The following UBA2 variants were observed in gnomAD, a reference collection of about 807,000 sequenced individuals.
UBA2 encodes SUMO-activating enzyme subunit 2.
A neutral mutation model predicts 77.2 loss-of-function variants in UBA2; 11 were observed. That is an observed-to-expected ratio of 0.14 (90% CI 0.09 to 0.24). UBA2 has a LOEUF of 0.24. UBA2 is among the 10% of genes least tolerant of loss of function. UBA2 has a pLI of 1.00. For missense variants in UBA2, 487 were observed against 781.7 expected (o/e 0.62, Z 4.50); for synonymous variants, 278 against 276.7 (o/e 1.00, Z -0.05).
chr19:34,444,033 GTTTTTTTTTTGTTTTTTTT>G (rs2075399148), intron 7 of UBA2, 122 bp downstream of exon 7: 3 of 203,064 alleles, frequency 1.5e-5, no homozygotes, highest in Non-Finnish European at 2.6e-5. Flanking sequence ...TTTAACATGT[GTTTTTTTTTTGTTTTTTTT>G]TTTTTTTTTT....
chr19:34,429,376 G>A (rs1017142149), intron 1 of UBA2, among the ~76,000 whole-genome samples: 4 of 152,190 alleles, frequency 2.6e-5, no homozygotes, highest in African/African-American at 9.7e-5. Context: ...AGTTTAAAGT[G>A]TCTTAAGGGC....
chr19:34,451,652 A>G (rs1568377818), intron 9 of UBA2, among the ~76,000 whole-genome samples: 1 of 136,978 alleles, frequency 7.3e-6, no homozygotes, highest in East Asian at 2.2e-4. Context: ...GGTTCGCGCC[A>G]TTCTCCTGCC....
chr19:34,440,140 A>G (rs1000234210), intron 6 of UBA2, among the ~76,000 whole-genome samples: 2 of 152,054 alleles, frequency 1.3e-5, no homozygotes, highest in African/African-American at 4.8e-5. Context: ...CCTGGCCAAC[A>G]TGGCGAAACC....
At chr19:34,438,493 A>G (rs1241585202) in intron 5 of UBA2, 152 bp from the exon 6 acceptor site, 4 of 957,164 alleles carry the variant, frequency 4.2e-6, no homozygotes, top group Non-Finnish European at 1.5e-6. Context: ...AGTTTATCAT[A>G]AAGTAAGCAT....
At chr19:34,444,617 G>A (rs1056236731) in intron 7 of UBA2, among the ~76,000 whole-genome samples, 3 of 152,126 alleles carry the variant, frequency 2.0e-5, no homozygotes, top group African/African-American at 7.2e-5. Flanking sequence ...GACCAGCCTG[G>A]CCAACATGGC....
chr19:34,438,539 A>G lies in UBA2; in HGVS notation c.460-106A>G, dbSNP rs556570104. On this transcript the variant is annotated intron_variant, in intron 5 of 16. Transcript: ENST00000246548. The stretch of plus-strand genomic sequence containing the variant: ...CTAATATTTTAAAATTTCCTTGACA[A>G]CGTAAAACGTAGTTGGAATATAGAT... The G allele has an allele frequency of 1.1e-3, 1,503 of 1,379,552 alleles. 1 individual carries two copies. The highest frequency in any genetic ancestry group is 1.4e-3 in the Non-Finnish European group (1,415 of 1,011,704). The allele number at this position is 1,379,552 out of a possible 1,614,324, so 85.5% of individuals were successfully genotyped here.
intron 9 of UBA2, 71 bp downstream of exon 9, chr19:34,450,435 T>C: frequency 2.9e-6 from 3 of 1,028,918 alleles, no homozygotes; most frequent in Non-Finnish European, 4.2e-6. Flanking sequence ...TGTATAGCCC[T>C]GTTGTTGCTT....
At chr19:34,428,772 G>A in intron 1 of UBA2, 1 of 1,134,360 alleles carries the variant, frequency 8.8e-7, no homozygotes, top group Non-Finnish European at 1.1e-6. Flanking sequence ...GCCTCCGCTC[G>A]CTGGGCCGGC....
At chr19:34,462,397 G>A (rs2075641151) in intron 14 of UBA2, among the ~76,000 whole-genome samples, 1 of 152,156 alleles carries the variant, frequency 6.6e-6, no homozygotes. Context: ...ACATTAACTG[G>A]TTTTCCTTTT....
intron 1 of UBA2, chr19:34,429,340 G>A (rs887377740): frequency 1.3e-6 from 1 of 777,216 alleles, no homozygotes; most frequent in African/African-American, 1.9e-5. Context: ...TTTAGAGATT[G>A]GAGATGTTAC....
intron 10 of UBA2, 137 bp downstream of exon 10, chr19:34,452,284 A>G: frequency 1.3e-6 from 1 of 767,742 alleles, no homozygotes; most frequent in Non-Finnish European, 2.0e-6. Context: ...GGATATTTTC[A>G]GCTCTAATTG....
At chr19:34,449,603 GA>G (rs1321391536) in intron 8 of UBA2, among the ~76,000 whole-genome samples, 1 of 152,008 alleles carries the variant, frequency 6.6e-6, no homozygotes, top group Non-Finnish European at 1.5e-5. Flanking sequence ...TAAGGAAAAA[GA>G]AAAAAATATT....
At chr19:34,458,635 T>C (rs2075598909) in intron 12 of UBA2, 134 bp from the exon 13 acceptor site, 1 of 585,610 alleles carries the variant, frequency 1.7e-6, no homozygotes, top group Non-Finnish European at 2.8e-6. Context: ...ATGATTTTCC[T>C]GATCCATTTT....
At chr19:34,464,181 C>A in intron 15 of UBA2, 50 bp downstream of exon 15, 2 of 1,245,630 alleles carry the variant, frequency 1.6e-6, no homozygotes, top group Non-Finnish European at 2.3e-6. Context: ...AATATATAAA[C>A]TTTAGACAAA....
intron 6 of UBA2, among the ~76,000 whole-genome samples, chr19:34,443,015 G>T (rs532052265): frequency 2.0e-5 from 3 of 152,110 alleles, no homozygotes; most frequent in Non-Finnish European, 2.9e-5. Context: ...ACAGTTTTTA[G>T]GATAACTTTA....
chr19:34,444,051 T>G (rs868706268), intron 7 of UBA2, 140 bp downstream of exon 7: 34,131 of 369,918 alleles, frequency 0.092, 1,332 homozygotes, highest in East Asian at 0.27. Context: ...TTTGTTTTTT[T>G]TTTTTTTTTT....
In UBA2 at chr19:34,469,256, T is replaced by A; in HGVS notation, c.*35T>A. The A allele has an allele frequency of 6.7e-7, 1 of 1,502,890 alleles. No individual in the cohort carries two copies. Among genetic ancestry groups the A allele is most frequent in the African/African-American group, 1.4e-5 (1 of 70,812 alleles). 93.1% of individuals were successfully genotyped at this position (1,502,890 alleles called of 1,614,324 possible). A position where few individuals can be genotyped will look rare whatever the true frequency, so the allele number is the denominator to read the frequency against. ...CCTCTAAACAGAACCCTCTTACTATTTAGTTTATCTGGGCAGAACCAGATT... is the reference window on the plus strand; with the variant it reads ...CCTCTAAACAGAACCCTCTTACTATATAGTTTATCTGGGCAGAACCAGATT... On this transcript the variant is annotated 3_prime_UTR_variant, in exon 17 of 17. Transcript: ENST00000246548.
intron 15 of UBA2, among the ~76,000 whole-genome samples, chr19:34,465,344 A>G (rs1229065018): frequency 6.6e-6 from 1 of 152,182 alleles, no homozygotes; most frequent in Admixed American, 6.5e-5. Context: ...AAAGCATAAA[A>G]TGACAGGAAG....
chr19:34,445,225 C>G (rs556600646), intron 8 of UBA2, 104 bp downstream of exon 8: 1 of 1,231,038 alleles, frequency 8.1e-7, no homozygotes, highest in East Asian at 2.4e-5. Flanking sequence ...TTGAATTAAG[C>G]TTCTATGTAT....
Sources: allele counts gnomAD v4.1 joint callset (sites outside exome capture counted in the v4.1 genomes callset), GRCh38; gene constraint gnomAD v4.1.1; transcripts MANE v1.5; gene names NCBI Gene and HGNC (gene_info 2026-07-23, HGNC 2026-07-21).